Variants in LDB2 observed in about 807,000 individuals in gnomAD.
The protein encoded by LDB2 is LIM domain-binding protein 2.
In LDB2, 12 loss-of-function variants were observed where a neutral mutation model predicts 44.3. The observed-to-expected ratio is 0.27, with a 90% CI of 0.17 to 0.44. The LOEUF (loss-of-function observed/expected upper bound fraction) is 0.44, where lower values mean the gene tolerates loss of function less well. Among genes scored for constraint, LDB2 ranks in the 20% least tolerant of loss-of-function variants. LDB2 has a pLI of 1.00. For missense variants in LDB2, 344 were observed against 473.5 expected (o/e 0.73, Z 2.54); for synonymous variants, 164 against 174.8 (o/e 0.94, Z 0.49).
intron 5 of LDB2, chr4:16,512,320 TCACACGGATA>T (rs1221191668): frequency 6.4e-6 from 3 of 467,540 alleles, no homozygotes; most frequent in African/African-American, 3.9e-5. Context: ...TGAATGTGAT[TCACACGGATA>T]CACACACAGA....
intron 1 of LDB2, among the ~76,000 whole-genome samples, chr4:16,870,781 C>T (rs572901636): frequency 3.7e-4 from 57 of 152,066 alleles, no homozygotes; most frequent in African/African-American, 9.2e-4. Context: ...TACAGGTGTC[C>T]GCCACCACAC....
intron 5 of LDB2, among the ~76,000 whole-genome samples, chr4:16,565,234 G>C (rs761183930): frequency 1.3e-5 from 2 of 152,102 alleles, no homozygotes; most frequent in African/African-American, 4.8e-5. Flanking sequence ...TTTGGAGTGA[G>C]AACAGTAATG....
At chr4:16,535,332 C>G (rs1166651145) in intron 5 of LDB2, among the ~76,000 whole-genome samples, 2 of 152,164 alleles carry the variant, frequency 1.3e-5, no homozygotes, top group Admixed American at 1.3e-4. Flanking sequence ...ACTGTACCCT[C>G]CGTTTCCTTT....
At chr4:16,694,554 G>A (rs145279271) in intron 2 of LDB2, among the ~76,000 whole-genome samples, 19 of 152,340 alleles carry the variant, frequency 1.2e-4, no homozygotes, top group Admixed American at 3.3e-4. Flanking sequence ...AATGTCTACC[G>A]AGGTGGCTCA....
At chr4:16,885,144 AT>A (rs1721271944) in intron 1 of LDB2, among the ~76,000 whole-genome samples, 1 of 145,526 alleles carries the variant, frequency 6.9e-6, no homozygotes. Flanking sequence ...ACATAGGGAG[AT>A]ACCACTTCTA....
At chr4:16,685,956 G>T (rs1749138702) in intron 2 of LDB2, among the ~76,000 whole-genome samples, 1 of 152,170 alleles carries the variant, frequency 6.6e-6, no homozygotes, top group South Asian at 2.1e-4. Context: ...GGAGGCTGAG[G>T]CAAGAGAATC....
intron 3 of LDB2, among the ~76,000 whole-genome samples, chr4:16,594,330 G>T (rs552420237): frequency 6.6e-6 from 1 of 152,306 alleles, no homozygotes; most frequent in South Asian, 2.1e-4. Flanking sequence ...AATGAAGTGA[G>T]ACATGGGCAG....
At chr4:16,528,880 G>C (rs780757051) in intron 5 of LDB2, among the ~76,000 whole-genome samples, 25 of 152,088 alleles carry the variant, frequency 1.6e-4, no homozygotes, top group African/African-American at 6.0e-4. Context: ...AGAGAGACAC[G>C]TGTCATGACA....
At chr4:16,591,130 T>C (rs11946011) in intron 3 of LDB2, among the ~76,000 whole-genome samples, 34,671 of 152,136 alleles carry the variant, frequency 0.23, 3,994 homozygotes, top group East Asian at 0.32. Flanking sequence ...AAACAAATAT[T>C]AGCTTAGTTA....
At chr4:16,885,600 A>G (rs1270959201) in intron 1 of LDB2, among the ~76,000 whole-genome samples, 1 of 152,094 alleles carries the variant, frequency 6.6e-6, no homozygotes. Context: ...TTAACTTGCT[A>G]TATCCCAACT....
chr4:16,730,849 C>T (rs1561023665), intron 2 of LDB2, among the ~76,000 whole-genome samples: 1 of 149,752 alleles, frequency 6.7e-6, no homozygotes, highest in East Asian at 2.0e-4. Context: ...CTATACCCTA[C>T]TTCTGAGACA....
chr4:16,545,611 A>G (rs1735483086), intron 5 of LDB2, among the ~76,000 whole-genome samples: 1 of 152,210 alleles, frequency 6.6e-6, no homozygotes, highest in African/African-American at 2.4e-5. Context: ...TCACCAGCAA[A>G]GTATTTTTGA....
intron 2 of LDB2, among the ~76,000 whole-genome samples, chr4:16,597,385 T>C (rs1469940169): frequency 6.6e-6 from 1 of 152,134 alleles, no homozygotes; most frequent in African/African-American, 2.4e-5. Context: ...TAATCCCCAA[T>C]ACTGCATGCT....
At chr4:16,897,910 A>ATATATATATATATATATACACATATG (rs1725602729) in intron 1 of LDB2, among the ~76,000 whole-genome samples, 1 of 15,444 alleles carries the variant, frequency 6.5e-5, no homozygotes, top group Non-Finnish European at 1.0e-4. Context: ...ATATATATAT[A>ATATATATATATATATATACACATATG]TATATATATA....
chr4:16,524,614 T>C (rs1318713929), intron 5 of LDB2, among the ~76,000 whole-genome samples: 2 of 152,074 alleles, frequency 1.3e-5, no homozygotes, highest in Admixed American at 1.3e-4. Context: ...TTCTGCCCCA[T>C]AGAGGAGCTG....
At chr4:16,788,783 A>C (rs1775052724) in intron 1 of LDB2, among the ~76,000 whole-genome samples, 1 of 152,224 alleles carries the variant, frequency 6.6e-6, no homozygotes, top group South Asian at 2.1e-4. Context: ...GTGAGCCCCA[A>C]GAACAGGCAA....
chr4:16,575,128 C>T (rs1431200242), intron 5 of LDB2, among the ~76,000 whole-genome samples: 6 of 152,122 alleles, frequency 3.9e-5, no homozygotes, highest in African/African-American at 1.2e-4. Context: ...TGATTAAACA[C>T]ATCATAGCAC....
rs1717926271 is a variant in LDB2 at position 16,503,021 on chromosome 4, G to A, written c.892-148C>T. 33 of 1,565,292 alleles carry A rather than the reference G, an allele frequency of 2.1e-5. No homozygotes were observed. In the Middle Eastern group the frequency reaches 5.0e-4, roughly 24 times the overall value. ...AAGTCTCAATGTCGGGGGCCGAGAC[G>A]CATATTTGATTTCTACAGGAAATAA... On this transcript the variant is annotated intron_variant, in intron 7 of 7. Coordinates refer to ENST00000304523, the MANE Select transcript of LDB2 (RefSeq NM_001290.5).
intron 5 of LDB2, among the ~76,000 whole-genome samples, chr4:16,520,784 G>A (rs1450073470): frequency 6.6e-6 from 1 of 152,162 alleles, no homozygotes; most frequent in Admixed American, 6.5e-5. Flanking sequence ...GAAGTGCTTG[G>A]ACTGTTTTCC....
Sources: gnomAD v4.1 joint callset for allele counts (sites outside exome capture counted in the v4.1 genomes callset) on GRCh38, gnomAD v4.1.1 for gene constraint, MANE v1.5 for transcripts, NCBI Gene and HGNC (gene_info 2026-07-23, HGNC 2026-07-21) for gene names.